Variants in SNX29 observed in about 807,000 individuals in gnomAD.
SNX29 encodes the protein sorting nexin 29.
In SNX29, 78 loss-of-function variants were observed where a neutral mutation model predicts 102.1. That is an observed-to-expected ratio of 0.76 (90% CI 0.64 to 0.92). SNX29 has a LOEUF of 0.92. Ranked by LOEUF, SNX29 falls within the 40% of genes least tolerant of loss-of-function variation. SNX29 has a pLI of 0.00. For missense variants in SNX29, 1,280 were observed against 1,061.7 expected (o/e 1.21, Z -2.86); for synonymous variants, 580 against 414.5 (o/e 1.40, Z -4.85).
chr16:12,565,517 C>G (rs1044892919), intron 20 of SNX29, among the ~76,000 whole-genome samples: 3 of 152,088 alleles, frequency 2.0e-5, no homozygotes, highest in Non-Finnish European at 4.4e-5. Flanking sequence ...AGACATGGCT[C>G]TGCTCCACAT....
At chr16:12,303,907 T>C (rs534233827) in intron 15 of SNX29, among the ~76,000 whole-genome samples, 1 of 152,246 alleles carries the variant, frequency 6.6e-6, no homozygotes, top group Non-Finnish European at 1.5e-5. Flanking sequence ...GTACTCTCCC[T>C]CCTATTCCCC....
chr16:12,368,233 G>C (rs911309500), intron 16 of SNX29, among the ~76,000 whole-genome samples: 1 of 152,186 alleles, frequency 6.6e-6, no homozygotes, highest in African/African-American at 2.4e-5. Context: ...GTTGTCCAAG[G>C]CATCCAGCTG....
At chr16:12,047,486 A>AATG (rs1363052532) in intron 6 of SNX29, among the ~76,000 whole-genome samples, 1 of 152,090 alleles carries the variant, frequency 6.6e-6, no homozygotes, top group Non-Finnish European at 1.5e-5. Context: ...TGTCCACAGT[A>AATG]ATGATGATGA....
intron 19 of SNX29, among the ~76,000 whole-genome samples, chr16:12,479,169 G>C (rs917563416): frequency 6.6e-6 from 1 of 152,220 alleles, no homozygotes; most frequent in African/African-American, 2.4e-5. Flanking sequence ...CCAGCAGTCT[G>C]GGTTTAACAA....
intron 14 of SNX29, among the ~76,000 whole-genome samples, chr16:12,251,900 T>C (rs117411473): frequency 0.015 from 2,302 of 152,188 alleles, 20 homozygotes; most frequent in Middle Eastern, 0.041. Flanking sequence ...GCTAGAACTA[T>C]AGGTGTGTGC....
intron 20 of SNX29, among the ~76,000 whole-genome samples, chr16:12,549,190 G>C (rs1326105859): frequency 6.6e-6 from 1 of 152,160 alleles, no homozygotes; most frequent in Non-Finnish European, 1.5e-5. Flanking sequence ...GCAGGGGCTA[G>C]GCACCCCTCA....
intron 14 of SNX29, among the ~76,000 whole-genome samples, chr16:12,230,412 A>G (rs2077734085): frequency 6.6e-6 from 1 of 152,228 alleles, no homozygotes; most frequent in African/African-American, 2.4e-5. Context: ...CTGAGGAAAG[A>G]TGCCTTGGTA....
chr16:12,091,452 G>C (rs1259430569), intron 11 of SNX29, among the ~76,000 whole-genome samples: 3 of 152,178 alleles, frequency 2.0e-5, no homozygotes, highest in Non-Finnish European at 2.9e-5. Flanking sequence ...ATTAGGTCAT[G>C]AGGCTGGAGC....
intron 11 of SNX29, among the ~76,000 whole-genome samples, chr16:12,116,231 C>G (rs771009872): frequency 6.6e-6 from 1 of 152,182 alleles, no homozygotes; most frequent in Non-Finnish European, 1.5e-5. Context: ...AAAGTAGAGA[C>G]TCAAACAGGT....
intron 20 of SNX29, among the ~76,000 whole-genome samples, chr16:12,530,547 T>G (rs531689503): frequency 2.2e-4 from 33 of 152,244 alleles, no homozygotes; most frequent in African/African-American, 6.0e-4. Flanking sequence ...CTTCGTTTTT[T>G]TTTTTTGTTT....
chr16:12,108,177 T>C (rs1335627152), intron 11 of SNX29, among the ~76,000 whole-genome samples: 1 of 152,016 alleles, frequency 6.6e-6, no homozygotes, highest in Non-Finnish European at 1.5e-5. Flanking sequence ...GCCCTCCCAG[T>C]GGTAGAGGAA....
At chr16:12,106,205 C>T (rs1463151327) in intron 11 of SNX29, among the ~76,000 whole-genome samples, 1 of 152,116 alleles carries the variant, frequency 6.6e-6, no homozygotes, top group Non-Finnish European at 1.5e-5. Context: ...TGAAAAGCTC[C>T]CCTCCTAATG....
intron 10 of SNX29, among the ~76,000 whole-genome samples, chr16:12,072,875 C>G (rs1438166296): frequency 6.6e-6 from 1 of 152,142 alleles, no homozygotes; most frequent in African/African-American, 2.4e-5. Context: ...AGAGATTCAA[C>G]TTCTTCCTGG....
chr16:12,242,509 GT>G (rs1453724048), intron 14 of SNX29, among the ~76,000 whole-genome samples: 4 of 151,492 alleles, frequency 2.6e-5, no homozygotes, highest in Non-Finnish European at 5.9e-5. Flanking sequence ...AGTCGGCTAA[GT>G]TTCCTAGAGA....
intron 16 of SNX29, among the ~76,000 whole-genome samples, chr16:12,368,627 C>T (rs1447824296): frequency 1.3e-5 from 2 of 152,172 alleles, no homozygotes; most frequent in Non-Finnish European, 2.9e-5. Context: ...AGACAGAGGT[C>T]CTGCTTGGAT....
intron 4 of SNX29, among the ~76,000 whole-genome samples, chr16:12,028,979 C>A (rs1336405757): frequency 1.3e-5 from 2 of 152,126 alleles, no homozygotes; most frequent in East Asian, 1.9e-4. Flanking sequence ...AACTCCTGAC[C>A]TTGTGATCTG....
chr16:12,434,607 C>T (rs112325849), intron 18 of SNX29, among the ~76,000 whole-genome samples: 14 of 152,296 alleles, frequency 9.2e-5, no homozygotes, highest in Non-Finnish European at 1.5e-4. Context: ...AAAGCAGGGC[C>T]TTCCCATAAC....
intron 13 of SNX29, among the ~76,000 whole-genome samples, chr16:12,197,336 G>C (rs1183635480): frequency 6.6e-6 from 1 of 152,136 alleles, no homozygotes; most frequent in Non-Finnish European, 1.5e-5. Context: ...TGGGGAGGCT[G>C]AGGTGGGCGG....
chr16:12,276,401 G>A (rs946274812), intron 14 of SNX29, among the ~76,000 whole-genome samples: 10 of 152,160 alleles, frequency 6.6e-5, no homozygotes, highest in African/African-American at 1.7e-4. Flanking sequence ...TTGAGCCTTC[G>A]GCGGGCTCTA....
Sources: allele counts gnomAD v4.1 joint callset (sites outside exome capture counted in the v4.1 genomes callset), GRCh38; gene constraint gnomAD v4.1.1; transcripts MANE v1.5; gene names NCBI Gene and HGNC (gene_info 2026-07-23, HGNC 2026-07-21).